The following SEMA3A variants were observed in gnomAD, a reference collection of about 807,000 sequenced individuals.
SEMA3A encodes the protein semaphorin-3A.
A neutral mutation model predicts 97.9 loss-of-function variants in SEMA3A; 29 were observed. That is an observed-to-expected ratio of 0.30 (90% CI 0.22 to 0.40). The LOEUF (loss-of-function observed/expected upper bound fraction) is 0.40, where lower values mean the gene tolerates loss of function less well. Among genes scored for constraint, SEMA3A ranks in the 10% least tolerant of loss-of-function variants. The pLI is 1.00. For synonymous variants in SEMA3A, 321 were observed against 323.7 expected (o/e 0.99, Z 0.09); for missense variants, 763 against 951.3 (o/e 0.80, Z 2.60).
At chr7:84,444,202 C>G (rs1426824995) in intron 1 of SEMA3A, among the ~76,000 whole-genome samples, 1 of 152,008 alleles carries the variant, frequency 6.6e-6, no homozygotes, top group Non-Finnish European at 1.5e-5. Flanking sequence ...TGCTTTTCTT[C>G]AGAATCATAC....
At chr7:84,403,419 C>A (rs1266907055) in intron 1 of SEMA3A, among the ~76,000 whole-genome samples, 1 of 152,168 alleles carries the variant, frequency 6.6e-6, no homozygotes, top group Non-Finnish European at 1.5e-5. Context: ...TGGGTGGAGC[C>A]CACCACAGCT....
At chr7:84,267,742 C>A (rs1344161963) in intron 3 of SEMA3A, among the ~76,000 whole-genome samples, 2 of 152,008 alleles carry the variant, frequency 1.3e-5, no homozygotes, top group African/African-American at 4.8e-5. Context: ...AATAAAATCA[C>A]CAACCATTCT....
At chr7:84,356,819 GA>G (rs34285167) in intron 2 of SEMA3A, among the ~76,000 whole-genome samples, 43,518 of 151,326 alleles carry the variant, frequency 0.29, 6,740 homozygotes, top group African/African-American at 0.38. Context: ...TATAAATACA[GA>G]AAAAAATTAC....
chr7:84,436,845 T>C (rs985003495), intron 1 of SEMA3A, among the ~76,000 whole-genome samples: 1 of 152,138 alleles, frequency 6.6e-6, no homozygotes, highest in Non-Finnish European at 1.5e-5. Flanking sequence ...CACAGTTTCC[T>C]TCATAAATTA....
In SEMA3A at chr7:84,150,724, G is replaced by A. The variant is rs561439202; in HGVS notation, c.113-15773C>T. 1.0e-3 allele frequency among the ~76,000 whole-genome samples: 156 copies of A among 152,222 alleles called. 2 individuals carry two copies. The highest frequency in any genetic ancestry group is 3.6e-3 in the African/African-American group (150 of 41,516). ...ACAAAGCAGCTGGGAAGCTGGAACTGGGTGGAGCCCACCACAGCTCAAGGA... is the reference window on the plus strand; with the variant it reads ...ACAAAGCAGCTGGGAAGCTGGAACTAGGTGGAGCCCACCACAGCTCAAGGA... On this transcript the variant is annotated intron_variant, in intron 1 of 16. Coordinates refer to ENST00000265362, the MANE Select transcript of SEMA3A (RefSeq NM_006080.3).
chr7:84,428,409 T>C (rs1229829075), intron 1 of SEMA3A, among the ~76,000 whole-genome samples: 1 of 152,070 alleles, frequency 6.6e-6, no homozygotes, highest in Admixed American at 6.6e-5. Context: ...CATAATCACA[T>C]CAAATTTCAT....
intron 2 of SEMA3A, among the ~76,000 whole-genome samples, chr7:84,322,766 CT>C (rs1489008901): frequency 1.3e-5 from 2 of 152,146 alleles, no homozygotes; most frequent in Non-Finnish European, 2.9e-5. Context: ...GAAAACATAA[CT>C]TTTTAGAAAG....
chr7:84,374,610 T>C (rs1344778464), intron 1 of SEMA3A, among the ~76,000 whole-genome samples: 1 of 152,226 alleles, frequency 6.6e-6, no homozygotes, highest in Non-Finnish European at 1.5e-5. Context: ...GCTAAAATAA[T>C]GATCTAAAAT....
At chr7:84,101,718 C>T (rs1794964818) in intron 4 of SEMA3A, among the ~76,000 whole-genome samples, 1 of 152,076 alleles carries the variant, frequency 6.6e-6, no homozygotes, top group Non-Finnish European at 1.5e-5. Context: ...CACAAATGCT[C>T]ATATAGGTAT....
chr7:84,349,945 C>A (rs917760318), intron 2 of SEMA3A, among the ~76,000 whole-genome samples: 4 of 152,036 alleles, frequency 2.6e-5, no homozygotes, highest in African/African-American at 9.7e-5. Flanking sequence ...ATAAATCTAT[C>A]TGCCTTCTTG....
At chr7:84,153,016 T>TA (rs529542949) in intron 1 of SEMA3A, among the ~76,000 whole-genome samples, 217 of 152,162 alleles carry the variant, frequency 1.4e-3, no homozygotes, top group Non-Finnish European at 1.7e-3. Flanking sequence ...TTCTACTTTT[T>TA]AAAAAATCAA....
intron 3 of SEMA3A, among the ~76,000 whole-genome samples, chr7:84,269,462 C>A (rs1032646743): frequency 4.0e-5 from 6 of 150,160 alleles, no homozygotes; most frequent in African/African-American, 1.5e-4. Context: ...AATTTTAGAG[C>A]TTATAGGGAC....
At chr7:84,258,425 G>A (rs2115647594) in intron 3 of SEMA3A, among the ~76,000 whole-genome samples, 1 of 152,218 alleles carries the variant, frequency 6.6e-6, no homozygotes, top group South Asian at 2.1e-4. Context: ...AAGGGAAAGA[G>A]AAAATGTGAC....
chr7:84,151,092 A>G (rs1167078020), intron 1 of SEMA3A, among the ~76,000 whole-genome samples: 3 of 149,578 alleles, frequency 2.0e-5, no homozygotes, highest in Non-Finnish European at 1.5e-5. Flanking sequence ...CCATCTGTAC[A>G]TCACCATCAT....
chr7:84,482,614 T>C (rs1053964738), intron 1 of SEMA3A, among the ~76,000 whole-genome samples: 3 of 152,122 alleles, frequency 2.0e-5, no homozygotes, highest in African/African-American at 7.2e-5. Flanking sequence ...TGCCTCCCTA[T>C]AGAACAGCCC....
chr7:84,221,186 G>T (rs977080490), intron 3 of SEMA3A, among the ~76,000 whole-genome samples: 2 of 152,018 alleles, frequency 1.3e-5, no homozygotes, highest in African/African-American at 4.8e-5. Flanking sequence ...AAACTCTGCT[G>T]GCTTCAAACT....
intron 1 of SEMA3A, among the ~76,000 whole-genome samples, chr7:84,421,473 T>C (rs1309773538): frequency 6.6e-6 from 1 of 152,056 alleles, no homozygotes; most frequent in African/African-American, 2.4e-5. Context: ...TAAATATAAT[T>C]TGACTTCCTC....
intron 6 of SEMA3A, among the ~76,000 whole-genome samples, chr7:84,031,363 G>C (rs1584570118): frequency 6.6e-6 from 1 of 151,850 alleles, no homozygotes; most frequent in East Asian, 1.9e-4. Context: ...TTTCATCTTT[G>C]TCTATGCTCT....
At chr7:84,468,533 G>A (rs1806063076) in intron 1 of SEMA3A, among the ~76,000 whole-genome samples, 3 of 152,076 alleles carry the variant, frequency 2.0e-5, no homozygotes, top group Non-Finnish European at 4.4e-5. Flanking sequence ...CGTTAACTTG[G>A]AATGCTCCTT....
Sources: allele counts gnomAD v4.1 joint callset (sites outside exome capture counted in the v4.1 genomes callset), GRCh38; gene constraint gnomAD v4.1.1; transcripts MANE v1.5; gene names NCBI Gene and HGNC (gene_info 2026-07-23, HGNC 2026-07-21).